Variants in PTPN3 observed in about 807,000 individuals in gnomAD.
The protein encoded by PTPN3 is protein tyrosine phosphatase non-receptor type 3.
Under a neutral mutation model 132.7 loss-of-function variants are expected in PTPN3, and 96 were observed. That is an observed-to-expected ratio of 0.72 (90% CI 0.61 to 0.86). PTPN3 has a LOEUF of 0.86. Among genes scored for constraint, PTPN3 ranks in the 40% least tolerant of loss-of-function variants. PTPN3 has a pLI of 0.00. For missense variants in PTPN3, 1,125 were observed against 1,159.6 expected, an observed-to-expected ratio of 0.97 and a Z score of 0.43; for synonymous variants, 398 against 429.0, an observed-to-expected ratio of 0.93 and a Z score of 0.89.
chr9:109,389,112 C>T, intron 22 of PTPN3, 121 bp downstream of exon 22: 1 of 1,331,888 alleles, frequency 7.5e-7, no homozygotes, highest in Non-Finnish European at 1.0e-6. Context: ...GTAGAGGAGA[C>T]TTAGGGTCAC....
chr9:109,513,570 T>C, the PTPN3 span, among the ~76,000 whole-genome samples: 1 of 152,156 alleles, frequency 6.6e-6, no homozygotes, highest in African/African-American at 2.4e-5. Flanking sequence ...CTCTAATCCT[T>C]AGTGTGCCTA....
chr9:109,510,576 A>ATATATAT, the PTPN3 span, among the ~76,000 whole-genome samples: 7 of 47,318 alleles, frequency 1.5e-4, no homozygotes, highest in African/African-American at 3.7e-4. Context: ...AAAAAAAAAA[A>ATATATAT]ATATATATAT....
chr9:109,498,442 C>G (rs1419215019), upstream of PTPN3: 1 of 151,136 alleles, frequency 6.6e-6, no homozygotes, highest in Non-Finnish European at 1.5e-5. The surrounding 1 kb of genome is among the most constrained non-coding windows in gnomAD (Gnocchi z 4.2). Flanking sequence ...TGGCGCGCCC[C>G]GACGCATCTC....
intron 2 of PTPN3, 85 bp downstream of exon 2, chr9:109,463,212 T>A: frequency 7.7e-7 from 1 of 1,304,444 alleles, no homozygotes. Context: ...AATATTTTTT[T>A]CTTCATTTTG....
Position 109,383,353 on chromosome 9 carries a change from C to G in PTPN3, c.2382+70G>C. 4 of 1,612,642 alleles carry G rather than the reference C, an allele frequency of 2.5e-6. No individual in the cohort carries two copies. The South Asian group carries it at 4.4e-5, about 18-fold the overall frequency. Reference sequence around the variant, plus strand: ...ACAGAGTGCACACCTAGAAGCGTGACCACCTGGGATGACAGTGGCCGCTGA... The same window carrying G: ...ACAGAGTGCACACCTAGAAGCGTGAGCACCTGGGATGACAGTGGCCGCTGA... On this transcript the variant is annotated intron_variant, in intron 23 of 25. Transcript: ENST00000374541.
intron 11 of PTPN3, among the ~76,000 whole-genome samples, 180 bp from the exon 12 acceptor site, chr9:109,427,302 T>C (rs910528808): frequency 2.2e-4 from 34 of 152,372 alleles, no homozygotes; most frequent in African/African-American, 7.7e-4. Context: ...GTTAACCGTC[T>C]TTATGAACAT....
chr9:109,509,303 T>C, the PTPN3 span, among the ~76,000 whole-genome samples: 1 of 152,346 alleles, frequency 6.6e-6, no homozygotes, highest in African/African-American at 2.4e-5. Flanking sequence ...GTTGTCAGCC[T>C]CTGTGACAGT....
At chr9:109,520,223 A>T in the PTPN3 span, among the ~76,000 whole-genome samples, 2 of 151,894 alleles carry the variant, frequency 1.3e-5, no homozygotes, top group African/African-American at 4.8e-5. Flanking sequence ...ACCTAGATTT[A>T]TCTAGAGCCC....
chr9:109,482,834 CCTCA>C (rs994420345), intron 1 of PTPN3, among the ~76,000 whole-genome samples: 1 of 152,170 alleles, frequency 6.6e-6, no homozygotes, highest in Admixed American at 6.5e-5. Context: ...AGTTACTGAA[CCTCA>C]CTGAGATTCC....
chr9:109,489,252 A>G (rs1025832242), intron 1 of PTPN3, among the ~76,000 whole-genome samples: 1 of 152,186 alleles, frequency 6.6e-6, no homozygotes, highest in African/African-American at 2.4e-5. Flanking sequence ...GCAGACAGGT[A>G]CCATAGTGAG....
intron 19 of PTPN3, among the ~76,000 whole-genome samples, chr9:109,395,958 G>C (rs577083416): frequency 9.0e-4 from 135 of 149,544 alleles, no homozygotes; most frequent in African/African-American, 3.2e-3. Flanking sequence ...CTGGGTTAAA[G>C]TGATTCTCCT....
intron 10 of PTPN3, 23 bp downstream of exon 10, chr9:109,433,047 AAAT>A (rs759141959): frequency 1.9e-6 from 3 of 1,609,230 alleles, no homozygotes; most frequent in Admixed American, 3.4e-5. Context: ...ATGATTCAGA[AAAT>A]AATGAGAACT....
At chr9:109,426,919 A>C (rs917706814) in intron 12 of PTPN3, 31 bp downstream of exon 12, 2 of 1,573,726 alleles carry the variant, frequency 1.3e-6, no homozygotes, top group Non-Finnish European at 1.7e-6. Flanking sequence ...ATCTCAGCCT[A>C]GTGTGGACAC....
intron 10 of PTPN3, among the ~76,000 whole-genome samples, chr9:109,430,004 A>T (rs572253478): frequency 6.6e-6 from 1 of 152,320 alleles, no homozygotes; most frequent in East Asian, 1.9e-4. Context: ...TACATATTAG[A>T]TATTACCTAA....
intron 2 of PTPN3, 140 bp downstream of exon 2, chr9:109,463,157 G>T: frequency 1.1e-6 from 1 of 895,276 alleles, no homozygotes; most frequent in Non-Finnish European, 1.6e-6. Context: ...TATTTCCAGT[G>T]CAATCTCAAC....
chr9:109,422,513 T>C (rs12004747), intron 13 of PTPN3, among the ~76,000 whole-genome samples: 5 of 152,196 alleles, frequency 3.3e-5, no homozygotes, highest in Non-Finnish European at 5.9e-5. Flanking sequence ...TAAGTTTTTT[T>C]AAAAAGAGCA....
chr9:109,488,052 C>T (rs1393184188), intron 1 of PTPN3, among the ~76,000 whole-genome samples: 1 of 148,158 alleles, frequency 6.7e-6, no homozygotes, highest in Non-Finnish European at 1.5e-5. Flanking sequence ...AAACGAAATG[C>T]TTTTAAGCAG....
At chr9:109,413,372 T>C (rs1319181450) in intron 14 of PTPN3, among the ~76,000 whole-genome samples, 1 of 152,182 alleles carries the variant, frequency 6.6e-6, no homozygotes, top group Non-Finnish European at 1.5e-5. Flanking sequence ...GGCGCGGTGA[T>C]ATTCTGTTCA....
chr9:109,476,949 C>A (rs7866187), intron 1 of PTPN3, among the ~76,000 whole-genome samples: 1 of 151,978 alleles, frequency 6.6e-6, no homozygotes, highest in Non-Finnish European at 1.5e-5. Context: ...ATTTTTACAC[C>A]CCTCACTCCT....
Sources: gnomAD v4.1 joint callset for allele counts (sites outside exome capture counted in the v4.1 genomes callset) on GRCh38, gnomAD v4.1.1 for gene constraint, Gnocchi (gnomAD v3.1) non-coding constraint, MANE v1.5 for transcripts, NCBI Gene and HGNC (gene_info 2026-07-23, HGNC 2026-07-21) for gene names.